The following ITGBL1 variants were observed in gnomAD, a reference collection of about 807,000 sequenced individuals.
ITGBL1 encodes the protein integrin subunit beta like 1.
Under a neutral mutation model 68.5 loss-of-function variants are expected in ITGBL1, and 51 were observed. The observed-to-expected ratio is 0.74, with a 90% CI of 0.59 to 0.94. The LOEUF is 0.94. Ranked by LOEUF, ITGBL1 falls within the 40% of genes least tolerant of loss-of-function variation. The probability of loss-of-function intolerance (pLI) is 0.00; values close to 1 mark genes in which losing one functional copy is unlikely to be tolerated. For synonymous variants in ITGBL1, 209 were observed against 227.3 expected (o/e 0.92, Z 0.72); for missense variants, 649 against 647.4 (o/e 1.00, Z -0.03).
chr13:101,474,488 G>A (rs562136801), intron 2 of ITGBL1, among the ~76,000 whole-genome samples: 2 of 152,288 alleles, frequency 1.3e-5, no homozygotes, highest in South Asian at 4.1e-4. Context: ...TTGAGCCAGG[G>A]AGTAGCTTGC....
chr13:101,596,057 A>G (rs72659126), intron 6 of ITGBL1, among the ~76,000 whole-genome samples: 30 of 266 alleles, frequency 0.11, no homozygotes, highest in East Asian at 0.25. Flanking sequence ...GTGTGTGTGT[A>G]TATATATATA....
rs1211802894 is a variant in ITGBL1 at position 101,589,226 on chromosome 13, G to T, written c.868+5870G>T. On this transcript the variant is annotated intron_variant, in intron 6 of 10. Transcript: ENST00000376180. The stretch of plus-strand genomic sequence containing the variant: ...CATTGTCGATACTATTTTTATTATG[G>T]TAGGCTAGAATTATAGAAAGTTTAT... Among the ~76,000 whole-genome samples, 4 of 152,196 alleles carry T rather than the reference G, an allele frequency of 2.6e-5. No individual in the cohort carries two copies. The East Asian group carries it at 7.7e-4, about 29-fold the overall frequency.
intron 7 of ITGBL1, among the ~76,000 whole-genome samples, chr13:101,645,475 AT>A: frequency 6.6e-6 from 1 of 151,442 alleles, no homozygotes; most frequent in East Asian, 1.9e-4. Flanking sequence ...AGAGCTTCGT[AT>A]TTGGGCACAT....
chr13:101,579,471 A>C (rs2050419419), intron 5 of ITGBL1, 44 bp downstream of exon 5: 3 of 1,593,272 alleles, frequency 1.9e-6, no homozygotes, highest in Non-Finnish European at 2.6e-6. Context: ...GAGGCAAACA[A>C]AGCTTTTAAT....
intron 6 of ITGBL1, among the ~76,000 whole-genome samples, chr13:101,594,738 A>G (rs948662204): frequency 1.3e-5 from 2 of 152,196 alleles, no homozygotes; most frequent in African/African-American, 4.8e-5. Flanking sequence ...TTGCATTGCT[A>G]CAAAGAAATA....
intron 7 of ITGBL1, among the ~76,000 whole-genome samples, chr13:101,667,534 A>C (rs926799146): frequency 1.3e-5 from 2 of 152,138 alleles, no homozygotes; most frequent in Admixed American, 1.3e-4. Flanking sequence ...AAGTTGCTAG[A>C]GAAACTGCTT....
intron 2 of ITGBL1, among the ~76,000 whole-genome samples, chr13:101,518,158 A>C (rs996463654): frequency 6.6e-6 from 1 of 152,258 alleles, no homozygotes; most frequent in Admixed American, 6.5e-5. Context: ...ACTCCTGGTC[A>C]GTACAACCGA....
chr13:101,575,281 C>T (rs1368622838), intron 3 of ITGBL1, 143 bp from the exon 4 acceptor site: 13 of 755,840 alleles, frequency 1.7e-5, no homozygotes, highest in Non-Finnish European at 2.4e-5. Flanking sequence ...ATGTGCTTTA[C>T]CTCACCATGC....
intron 2 of ITGBL1, among the ~76,000 whole-genome samples, chr13:101,547,556 G>A (rs960541378): frequency 3.3e-5 from 5 of 151,756 alleles, no homozygotes; most frequent in African/African-American, 9.7e-5. Flanking sequence ...TGAAATGGAT[G>A]TCTGGGAAGG....
rs527700870 is a variant in ITGBL1 at position 101,674,123 on chromosome 13, TA to T, written c.1016-18460del. Among the ~76,000 whole-genome samples, 819 of 152,336 alleles carry T rather than the reference TA, an allele frequency of 5.4e-3. 3 individuals carry two copies. The highest frequency in any genetic ancestry group is 8.8e-3 in the Non-Finnish European group (598 of 68,028). On this transcript the variant is annotated intron_variant, in intron 7 of 10. Transcript: ENST00000376180. ...GTTTTCATGCACAATTGCCTGATAA[TA>T]AGACTTTGACAAAACTACAATCATA...
At chr13:101,598,391 T>C (rs1307452230) in intron 7 of ITGBL1, 92 bp downstream of exon 7, 23 of 1,082,186 alleles carry the variant, frequency 2.1e-5, no homozygotes, top group Non-Finnish European at 2.8e-5. Flanking sequence ...TTTGTTTGTT[T>C]TTTGTTTTCT....
At chr13:101,492,181 G>C (rs984370334) in intron 2 of ITGBL1, among the ~76,000 whole-genome samples, 16 of 152,056 alleles carry the variant, frequency 1.1e-4, no homozygotes, top group Non-Finnish European at 1.8e-4. Context: ...TGGTATTTCT[G>C]GTTCTTAGTT....
At chr13:101,644,269 T>G (rs555802429) in intron 7 of ITGBL1, among the ~76,000 whole-genome samples, 20 of 152,314 alleles carry the variant, frequency 1.3e-4, no homozygotes, top group African/African-American at 4.6e-4. Context: ...TCCACCAGAA[T>G]ATAAAACAGT....
At chr13:101,551,376 G>A (rs888859043) in intron 2 of ITGBL1, among the ~76,000 whole-genome samples, 6 of 152,240 alleles carry the variant, frequency 3.9e-5, no homozygotes, top group African/African-American at 7.2e-5. Context: ...GGGAGGTATC[G>A]AAAATGAAGC....
intron 2 of ITGBL1, among the ~76,000 whole-genome samples, chr13:101,485,639 A>G (rs944003722): frequency 3.4e-4 from 51 of 152,204 alleles, no homozygotes; most frequent in Middle Eastern, 3.4e-3. Context: ...AAAAATACAA[A>G]AAATTACCTG....
At chr13:101,502,860 G>A (rs1156388358) in intron 2 of ITGBL1, among the ~76,000 whole-genome samples, 2 of 152,150 alleles carry the variant, frequency 1.3e-5, no homozygotes, top group African/African-American at 4.8e-5. Flanking sequence ...TTCTACATCA[G>A]TCATTCCCTT....
intron 7 of ITGBL1, among the ~76,000 whole-genome samples, chr13:101,601,127 A>C (rs944887277): frequency 7.2e-5 from 11 of 152,200 alleles, no homozygotes; most frequent in African/African-American, 1.9e-4. Flanking sequence ...TTATTGGTCT[A>C]TTCAGAGATT....
intron 7 of ITGBL1, among the ~76,000 whole-genome samples, chr13:101,656,830 T>C (rs2032939798): frequency 6.6e-6 from 1 of 152,216 alleles, no homozygotes; most frequent in Non-Finnish European, 1.5e-5. Flanking sequence ...CTTATTTACT[T>C]ATTTTTCTTT....
chr13:101,707,441 A>G (rs983907289), intron 9 of ITGBL1, among the ~76,000 whole-genome samples: 9 of 152,154 alleles, frequency 5.9e-5, no homozygotes, highest in Non-Finnish European at 1.0e-4. Context: ...AAGGAAAGAA[A>G]AGCTATGGGG....
Sources: allele counts gnomAD v4.1 joint callset (sites outside exome capture counted in the v4.1 genomes callset), GRCh38; gene constraint gnomAD v4.1.1; transcripts MANE v1.5; gene names NCBI Gene and HGNC (gene_info 2026-07-23, HGNC 2026-07-21).